Variants in COP1 observed in about 807,000 individuals in gnomAD.
The protein encoded by COP1 is E3 ubiquitin-protein ligase COP1.
A neutral mutation model predicts 101.3 loss-of-function variants in COP1; 24 were observed. The ratio of observed to expected loss-of-function variants is 0.24; its 90% confidence interval spans 0.17 to 0.33. The LOEUF is 0.33. Among genes scored for constraint, COP1 ranks in the 10% least tolerant of loss-of-function variants. The pLI is 1.00. For synonymous variants in COP1, 347 were observed against 341.9 expected, an observed-to-expected ratio of 1.01 and a Z score of -0.17; for missense variants, 663 against 906.2, an observed-to-expected ratio of 0.73 and a Z score of 3.45.
At chr1:175,969,739 T>C (rs1652877817) in intron 18 of COP1, among the ~76,000 whole-genome samples, 3 of 152,272 alleles carry the variant, frequency 2.0e-5, no homozygotes, top group Admixed American at 6.5e-5. Context: ...AGAAAAATCT[T>C]TTCTCCCTTA....
intron 18 of COP1, among the ~76,000 whole-genome samples, chr1:175,948,815 T>C (rs1649492796): frequency 6.6e-6 from 1 of 152,124 alleles, no homozygotes; most frequent in African/African-American, 2.4e-5. Context: ...GGCATGGGAA[T>C]TGTTGATCTT....
chr1:176,087,680 T>G (rs887696100), intron 9 of COP1, among the ~76,000 whole-genome samples: 2 of 152,148 alleles, frequency 1.3e-5, no homozygotes, highest in African/African-American at 4.8e-5. Flanking sequence ...ATTCAACCAT[T>G]GTGGAAGACA....
intron 18 of COP1, among the ~76,000 whole-genome samples, chr1:175,950,284 A>G (rs1471366678): frequency 1.3e-5 from 2 of 152,168 alleles, no homozygotes; most frequent in Admixed American, 6.5e-5. Flanking sequence ...AAATTTAATG[A>G]AAGAAAAATA....
intron 15 of COP1, among the ~76,000 whole-genome samples, chr1:176,025,603 A>T (rs555618689): frequency 6.6e-6 from 1 of 152,244 alleles, no homozygotes; most frequent in African/African-American, 2.4e-5. Flanking sequence ...TGAAAGACAG[A>T]AAACAACCCA....
At chr1:175,999,221 T>C (rs1661016785) in intron 15 of COP1, among the ~76,000 whole-genome samples, 1 of 152,100 alleles carries the variant, frequency 6.6e-6, no homozygotes, top group African/African-American at 2.4e-5. Flanking sequence ...GTATTTTTTG[T>C]AGCCATTAAC....
intron 11 of COP1, among the ~76,000 whole-genome samples, chr1:176,080,768 G>A (rs1678971864): frequency 6.6e-6 from 1 of 152,130 alleles, no homozygotes; most frequent in African/African-American, 2.4e-5. Context: ...AATTGAATTG[G>A]TAGTTAAAAT....
At chr1:176,007,195 C>G (rs577780671) in intron 15 of COP1, among the ~76,000 whole-genome samples, 101 of 152,258 alleles carry the variant, frequency 6.6e-4, no homozygotes, top group Non-Finnish European at 1.1e-3. Flanking sequence ...TCAGCTCCAT[C>G]AGCTCCTTTA....
chr1:176,119,081 T>G (rs1298127088), intron 8 of COP1, among the ~76,000 whole-genome samples: 1 of 152,228 alleles, frequency 6.6e-6, no homozygotes, highest in Non-Finnish European at 1.5e-5. Context: ...GTTCTTGTCA[T>G]GAGTTTATTC....
chr1:176,182,053 A>G (rs1015500434), intron 2 of COP1, among the ~76,000 whole-genome samples: 5 of 152,226 alleles, frequency 3.3e-5, no homozygotes, highest in African/African-American at 4.8e-5. Context: ...CTGTCCATTT[A>G]TAAGTTCAAT....
At chr1:175,985,715 C>T (rs1187025729) in intron 18 of COP1, among the ~76,000 whole-genome samples, 1 of 152,180 alleles carries the variant, frequency 6.6e-6, no homozygotes, top group East Asian at 1.9e-4. Flanking sequence ...CTTTCCAATG[C>T]TTTCAAATAG....
intron 8 of COP1, among the ~76,000 whole-genome samples, chr1:176,117,080 C>T (rs1686320878): frequency 6.6e-6 from 1 of 152,114 alleles, no homozygotes; most frequent in Admixed American, 6.6e-5. Context: ...CCCTGCTATG[C>T]CATTAAAAAG....
chr1:176,133,081 C>T (rs531490234), intron 8 of COP1, among the ~76,000 whole-genome samples: 2 of 141,950 alleles, frequency 1.4e-5, no homozygotes, highest in African/African-American at 5.2e-5. Flanking sequence ...CGTATATATA[C>T]TATATATACA....
intron 11 of COP1, among the ~76,000 whole-genome samples, chr1:176,051,430 A>G (rs1672537065): frequency 6.6e-6 from 1 of 152,256 alleles, no homozygotes; most frequent in Non-Finnish European, 1.5e-5. Flanking sequence ...AGATGGTGTG[A>G]ACAAACCTAC....
At chr1:176,006,926 T>A (rs1663396846) in intron 15 of COP1, among the ~76,000 whole-genome samples, 1 of 152,082 alleles carries the variant, frequency 6.6e-6, no homozygotes, top group African/African-American at 2.4e-5. Context: ...TTCTACTGGA[T>A]AATATCCTGC....
intron 15 of COP1, among the ~76,000 whole-genome samples, chr1:175,993,542 T>G (rs187209551): frequency 0.011 from 1,623 of 152,184 alleles, 10 homozygotes; most frequent in Non-Finnish European, 0.018. Context: ...TACAGAGAAG[T>G]GCTTAAAGGA....
intron 11 of COP1, among the ~76,000 whole-genome samples, chr1:176,061,995 G>A (rs956572948): frequency 7.2e-5 from 11 of 152,010 alleles, no homozygotes; most frequent in Non-Finnish European, 2.9e-5. Context: ...AGAAAGACCT[G>A]ATTATTATTA....
chr1:176,007,831 A>G (rs1363517836), intron 15 of COP1, among the ~76,000 whole-genome samples: 3 of 152,266 alleles, frequency 2.0e-5, no homozygotes, highest in Admixed American at 1.3e-4. Flanking sequence ...GGTGGAGCCT[A>G]CAGAGGCAGG....
In COP1 at chr1:176,042,046, A is replaced by C. The variant is rs377510370; in HGVS notation, c.1612+1140T>G. On this transcript the variant is annotated intron_variant, in intron 14 of 19. Transcript: ENST00000367669. ...AGAATCGCTTGAACCTGGGAGGCAG[A>C]GGTTGCAGTGAGCGGAGATTGCCCC... 2.6e-3 allele frequency among the ~76,000 whole-genome samples: 400 copies of C among 152,228 alleles called. 3 individuals are homozygous for C. The highest frequency in any genetic ancestry group is 9.2e-3 in the African/African-American group (382 of 41,568).
rs564531986 is a variant in COP1, at chr1:175,982,334, T to C, written c.2133+4609A>G. 897 of 456,304 alleles carry C rather than the reference T, an allele frequency of 2.0e-3. 10 individuals are homozygous for C. The highest frequency in any genetic ancestry group is 4.9e-3 in the South Asian group (319 of 64,498). The allele number at this position is 456,304 out of a possible 1,614,324, so 28.3% of individuals were successfully genotyped here. On this transcript the variant is annotated intron_variant, in intron 18 of 19. Transcript: ENST00000367669. Reference sequence around the variant, plus strand: ...AGAAAACATGGTATACAGCTGACCCTTGGAAAACACAGGTTTGAACTGTGA... The same window carrying C: ...AGAAAACATGGTATACAGCTGACCCCTGGAAAACACAGGTTTGAACTGTGA...
Sources: gnomAD v4.1 joint callset for allele counts (sites outside exome capture counted in the v4.1 genomes callset) on GRCh38, gnomAD v4.1.1 for gene constraint, MANE v1.5 for transcripts, NCBI Gene and HGNC (gene_info 2026-07-23, HGNC 2026-07-21) for gene names.